FNDC3B: variants seen among roughly 807,000 people sequenced by gnomAD.
The protein encoded by FNDC3B is fibronectin type III domain-containing protein 3B.
Under a neutral mutation model 151.5 loss-of-function variants are expected in FNDC3B, and 12 were observed. That is an observed-to-expected ratio of 0.08 (90% CI 0.05 to 0.13). The LOEUF (loss-of-function observed/expected upper bound fraction) is 0.13, where lower values mean the gene tolerates loss of function less well. FNDC3B is among the 10% of genes least tolerant of loss of function. The probability of loss-of-function intolerance (pLI) is 1.00; values close to 1 mark genes in which losing one functional copy is unlikely to be tolerated. For synonymous variants in FNDC3B, 528 were observed against 549.0 expected, an observed-to-expected ratio of 0.96 and a Z score of 0.54; for missense variants, 1,214 against 1,505.3, an observed-to-expected ratio of 0.81 and a Z score of 3.20.
At position 172,262,894 on chromosome 3, in the gene FNDC3B, C is replaced by CAAAAAAAAAAA. The variant is rs67891835; in HGVS notation, c.790+11371_790+11381dup. Among the ~76,000 whole-genome samples the CAAAAAAAAAAA allele has an allele frequency of 1.2e-3, 72 of 60,606 alleles. 7 individuals carry two copies. The highest frequency in any genetic ancestry group is 4.4e-3 in the African/African-American group (68 of 15,540). The allele number at this position is 60,606 out of a possible 152,430, so 39.8% of individuals were successfully genotyped here. ...CCTAGATGACAGAGTGAGACCGACTCAAAAAAAAAAAAAAAAAAAAAAAAA... is the reference window on the plus strand; with the variant it reads ...CCTAGATGACAGAGTGAGACCGACTCAAAAAAAAAAAAAAAAAAAAAAAAAAAAAAAAAAAA... On this transcript the variant is annotated intron_variant, in intron 6 of 25. Coordinates refer to ENST00000415807, the MANE Select transcript of FNDC3B (RefSeq NM_022763.4).
chr3:172,198,270 G>C (rs553441475), intron 3 of FNDC3B, among the ~76,000 whole-genome samples: 3 of 151,970 alleles, frequency 2.0e-5, no homozygotes, highest in African/African-American at 7.2e-5. Flanking sequence ...CAAGATCTGT[G>C]GGGGGGTACA....
chr3:172,088,843 C>T (rs1229541060), intron 1 of FNDC3B, among the ~76,000 whole-genome samples: 2 of 152,172 alleles, frequency 1.3e-5, no homozygotes, highest in African/African-American at 4.8e-5. Context: ...TGACAGTATT[C>T]TCCTGTGGAA....
chr3:172,352,778 T>A lies in FNDC3B; in HGVS notation c.2515-25T>A, dbSNP rs1291378274. 6.2e-7 allele frequency: 1 copy of A among 1,606,514 alleles called. No individual in the cohort carries two copies. ...AATGTGCTAATGGTGTAATATGGCC[T>A]TTGTCTTGCTGTTCTGTTTTGTAGG... On this transcript the variant is annotated intron_variant, in intron 21 of 25. Coordinates refer to ENST00000415807, the MANE Select transcript of FNDC3B (RefSeq NM_022763.4). This position sits in a 1 kb window ranked among gnomAD's most constrained non-coding sequence, Gnocchi z 4.2.
At position 172,169,519 on chromosome 3, in the gene FNDC3B, C is replaced by T. The variant is rs539340816; in HGVS notation, c.187+35973C>T. On this transcript the variant is annotated intron_variant, in intron 3 of 25. Transcript: ENST00000415807. ...TTAGGTAACTTTGTTGGAGAGCAAC[C>T]TTGAAGAGCAGTGGAGATGAGTCAG... Among the ~76,000 whole-genome samples, 4 of 152,300 alleles carry T rather than the reference C, an allele frequency of 2.6e-5. No homozygotes were observed. The South Asian group carries it at 8.3e-4, about 32-fold the overall frequency.
intron 1 of FNDC3B, among the ~76,000 whole-genome samples, chr3:172,051,262 T>G (rs1210491392): frequency 6.6e-6 from 1 of 151,930 alleles, no homozygotes; most frequent in African/African-American, 2.4e-5. Flanking sequence ...TTTGTATTTT[T>G]TTTTTTTAGT....
At position 172,149,890 on chromosome 3, in the gene FNDC3B, C is replaced by T. The variant is rs1008576550; in HGVS notation, c.187+16344C>T. On this transcript the variant is annotated intron_variant, in intron 3 of 25. Coordinates refer to ENST00000415807, the MANE Select transcript of FNDC3B (RefSeq NM_022763.4). The stretch of plus-strand genomic sequence containing the variant: ...CTGGAGTACAGTGGCATGATCTCAG[C>T]TCACTGCAACCTCCGCTTCCCAGGT... Among the ~76,000 whole-genome samples, 10 of 135,488 alleles carry T rather than the reference C, an allele frequency of 7.4e-5. No individual in the cohort carries two copies. The East Asian group carries it at 2.6e-3, about 36-fold the overall frequency. The allele number at this position is 135,488 out of a possible 152,430, so 88.9% of individuals were successfully genotyped here. A position where few individuals can be genotyped will look rare whatever the true frequency, so the allele number is the denominator to read the frequency against.
intron 6 of FNDC3B, among the ~76,000 whole-genome samples, chr3:172,276,478 G>T (rs1219950140): frequency 1.3e-5 from 2 of 152,084 alleles, no homozygotes; most frequent in Non-Finnish European, 2.9e-5. Context: ...AACATAGAAG[G>T]AATAACAGAA....
At chr3:172,268,512 A>G (rs1430126137) in intron 6 of FNDC3B, among the ~76,000 whole-genome samples, 1 of 152,242 alleles carries the variant, frequency 6.6e-6, no homozygotes, top group Admixed American at 6.5e-5. Context: ...ATAATATGTG[A>G]CAGAGAACGG....
intron 22 of FNDC3B, among the ~76,000 whole-genome samples, chr3:172,358,150 C>T (rs1323045764): frequency 6.6e-6 from 1 of 152,202 alleles, no homozygotes; most frequent in East Asian, 1.9e-4. Context: ...CTGACATGAC[C>T]TAGCTGAGCT....
chr3:172,148,087 GCTAATTTTATTAAGTTC>G (rs1212404830), intron 3 of FNDC3B, among the ~76,000 whole-genome samples: 4 of 151,858 alleles, frequency 2.6e-5, no homozygotes, highest in African/African-American at 9.7e-5. Flanking sequence ...TAATTCAGTT[GCTAATTTTATTAAGTTC>G]CTAATTTTAT....
chr3:172,391,957 C>T (rs779761658), intron 25 of FNDC3B, among the ~76,000 whole-genome samples: 4 of 151,220 alleles, frequency 2.6e-5, no homozygotes, highest in Non-Finnish European at 5.9e-5. Flanking sequence ...AAATAAAGAA[C>T]ACTCACAACT....
intron 1 of FNDC3B, among the ~76,000 whole-genome samples, chr3:172,106,493 T>C (rs918723991): frequency 6.6e-6 from 1 of 152,340 alleles, no homozygotes; most frequent in African/African-American, 2.4e-5. Context: ...GGTACTGTTA[T>C]GTTTCTTTTT....
chr3:172,306,440 A>C (rs1731205790), intron 9 of FNDC3B, among the ~76,000 whole-genome samples: 1 of 152,238 alleles, frequency 6.6e-6, no homozygotes, highest in South Asian at 2.1e-4. Context: ...TATAAGAATT[A>C]AGGGCTCAAT....
chr3:172,137,883 G>A (rs1205025741), intron 3 of FNDC3B, among the ~76,000 whole-genome samples: 3 of 152,164 alleles, frequency 2.0e-5, no homozygotes, highest in Non-Finnish European at 4.4e-5. Context: ...CTCTTGGCCA[G>A]ATCAAAGTGT....
chr3:172,358,509 G>A (rs1487138281), intron 22 of FNDC3B, among the ~76,000 whole-genome samples: 1 of 152,240 alleles, frequency 6.6e-6, no homozygotes, highest in Non-Finnish European at 1.5e-5. Flanking sequence ...AGCTGTTGCT[G>A]AGTCCTTGGC....
At chr3:172,075,074 G>A (rs758202672) in intron 1 of FNDC3B, among the ~76,000 whole-genome samples, 53 of 152,230 alleles carry the variant, frequency 3.5e-4, no homozygotes, top group South Asian at 8.3e-4. Flanking sequence ...GAAGGAAGAG[G>A]TCTTTGATGC....
rs755097265 is a variant in FNDC3B at position 172,328,905 on chromosome 3, G to T, written c.1255-47G>T. 9.7e-4 allele frequency: 1,079 copies of T among 1,107,086 alleles called. 3 individuals carry two copies. The highest frequency in any genetic ancestry group is 3.5e-3 in the South Asian group (206 of 58,188). The allele number at this position is 1,107,086 out of a possible 1,614,324, so 68.6% of individuals were successfully genotyped here. A position where few individuals can be genotyped will look rare whatever the true frequency, so the allele number is the denominator to read the frequency against. On this transcript the variant is annotated intron_variant, in intron 11 of 25. Coordinates refer to ENST00000415807, the MANE Select transcript of FNDC3B (RefSeq NM_022763.4). The stretch of plus-strand genomic sequence containing the variant: ...CTTCATTTATTTAGGGTTATCTGTT[G>T]TTTTTTTTTTTTTAAGTATATGCAT...
chr3:172,215,705 G>A (rs1023932142), intron 3 of FNDC3B, among the ~76,000 whole-genome samples: 5 of 152,128 alleles, frequency 3.3e-5, no homozygotes, highest in Non-Finnish European at 5.9e-5. Flanking sequence ...GCCTGGACTC[G>A]GGGCCAGTGC....
At chr3:172,349,668 T>G (rs1733766393) in intron 21 of FNDC3B, among the ~76,000 whole-genome samples, 1 of 152,152 alleles carries the variant, frequency 6.6e-6, no homozygotes, top group Admixed American at 6.5e-5. Context: ...TTTTTTTCTT[T>G]TTTTTGAGAT....
Sources: allele counts gnomAD v4.1 joint callset (sites outside exome capture counted in the v4.1 genomes callset), GRCh38; gene constraint gnomAD v4.1.1; non-coding constraint Gnocchi (gnomAD v3.1); transcripts MANE v1.5; gene names NCBI Gene and HGNC (gene_info 2026-07-23, HGNC 2026-07-21).